CNTN4: variants seen among roughly 807,000 people sequenced by gnomAD.
CNTN4 encodes contactin-4.
In CNTN4, 77 loss-of-function variants were observed where a neutral mutation model predicts 122.5. The ratio of observed to expected loss-of-function variants is 0.63; its 90% CI spans 0.52 to 0.76. The LOEUF (loss-of-function observed/expected upper bound fraction) is 0.76. Ranked by LOEUF, CNTN4 falls within the 30% of genes least tolerant of loss-of-function variation. CNTN4 has a pLI of 0.00. For missense variants in CNTN4, 1,256 were observed against 1,259.1 expected, an observed-to-expected ratio of 1.00 and a Z score of 0.04; for synonymous variants, 512 against 447.0, an observed-to-expected ratio of 1.15 and a Z score of -1.83.
chr3:2,105,746 T>C (rs1031307443), intron 2 of CNTN4, among the ~76,000 whole-genome samples: 1 of 152,036 alleles, frequency 6.6e-6, no homozygotes, highest in Admixed American at 6.5e-5. Flanking sequence ...CTCCCAAATA[T>C]CATGTCTTTT....
chr3:2,911,597 G>A (rs1233075751), intron 12 of CNTN4, among the ~76,000 whole-genome samples: 1 of 152,082 alleles, frequency 6.6e-6, no homozygotes, highest in Non-Finnish European at 1.5e-5. Context: ...TAAAGAAACA[G>A]AGGTATATCA....
chr3:2,283,943 G>A lies in CNTN4; in HGVS notation c.-144-55235G>A, dbSNP rs187206108. Among the ~76,000 whole-genome samples, 321 of 152,146 alleles carry A rather than the reference G, an allele frequency of 2.1e-3. 1 individual carries two copies. The highest frequency in any genetic ancestry group is 7.5e-3 in the African/African-American group (311 of 41,532). Reference sequence around the variant, plus strand: ...TCATATGCTCATCTGATGCTTGTGTGCTCTCTGCCCCTTTGCCTGGCCTGA... The same window carrying A: ...TCATATGCTCATCTGATGCTTGTGTACTCTCTGCCCCTTTGCCTGGCCTGA... On this transcript the variant is annotated intron_variant, in intron 2 of 24. Coordinates refer to ENST00000418658, the MANE Select transcript of CNTN4 (RefSeq NM_175607.3).
intron 6 of CNTN4, among the ~76,000 whole-genome samples, chr3:2,809,712 G>C (rs1400854779): frequency 1.3e-5 from 2 of 152,146 alleles, no homozygotes; most frequent in African/African-American, 4.8e-5. Flanking sequence ...TTGCATGTTA[G>C]GGCACCCGTC....
At chr3:2,923,328 T>C (rs2094445588) in intron 12 of CNTN4, among the ~76,000 whole-genome samples, 1 of 152,016 alleles carries the variant, frequency 6.6e-6, no homozygotes, top group South Asian at 2.1e-4. Flanking sequence ...TTTTTTTTTT[T>C]ACATTTTTCT....
At chr3:2,350,804 C>G (rs2044582388) in intron 3 of CNTN4, among the ~76,000 whole-genome samples, 1 of 152,008 alleles carries the variant, frequency 6.6e-6, no homozygotes, top group Non-Finnish European at 1.5e-5. Context: ...GCAAATGTAA[C>G]AAAGGAAAAT....
At chr3:2,525,139 A>C (rs1176843079) in intron 3 of CNTN4, among the ~76,000 whole-genome samples, 1 of 152,108 alleles carries the variant, frequency 6.6e-6, no homozygotes, top group African/African-American at 2.4e-5. Context: ...CATTTAATGC[A>C]CTGGAGATAG....
chr3:2,846,106 A>G (rs2093451383), intron 7 of CNTN4, among the ~76,000 whole-genome samples: 1 of 152,212 alleles, frequency 6.6e-6, no homozygotes, highest in Admixed American at 6.5e-5. Flanking sequence ...TACAATGCTA[A>G]TAAGATTTGG....
At chr3:2,889,644 T>G (rs1289276603) in intron 10 of CNTN4, among the ~76,000 whole-genome samples, 1 of 152,238 alleles carries the variant, frequency 6.6e-6, no homozygotes, top group Non-Finnish European at 1.5e-5. Flanking sequence ...ACATTTTCTC[T>G]TTTTTCTTGG....
chr3:2,169,918 G>A (rs2036394194), intron 2 of CNTN4, among the ~76,000 whole-genome samples: 1 of 152,130 alleles, frequency 6.6e-6, no homozygotes, highest in African/African-American at 2.4e-5. Context: ...TTGTATATGG[G>A]TTCTTCAATA....
intron 7 of CNTN4, among the ~76,000 whole-genome samples, chr3:2,824,110 C>G (rs952947174): frequency 2.7e-5 from 4 of 149,508 alleles, no homozygotes; most frequent in African/African-American, 9.9e-5. Flanking sequence ...AACCTGTTCA[C>G]AAGCATATTC....
At position 2,789,766 on chromosome 3, in the gene CNTN4, A is replaced by C. The variant is rs568308815; in HGVS notation, c.359-29720A>C. On this transcript the variant is annotated intron_variant, in intron 6 of 24. Coordinates refer to ENST00000418658, the MANE Select transcript of CNTN4 (RefSeq NM_175607.3). The stretch of plus-strand genomic sequence containing the variant: ...TTTGGTAGAAAATAGAGGATAACCC[A>C]AAGAACAATGTAGAGAGGTTTTTAA... Among the ~76,000 whole-genome samples the C allele has an allele frequency of 3.9e-5, 6 of 152,336 alleles. No homozygotes were observed. In the South Asian group the frequency reaches 1.2e-3, roughly 32 times the overall value.
intron 2 of CNTN4, among the ~76,000 whole-genome samples, chr3:2,323,793 G>T (rs944489334): frequency 1.3e-5 from 2 of 152,154 alleles, no homozygotes; most frequent in African/African-American, 2.4e-5. Context: ...TTACTTTCAA[G>T]TATAAACAAT....
At chr3:2,731,386 A>T (rs1299922509) in intron 4 of CNTN4, among the ~76,000 whole-genome samples, 2 of 152,170 alleles carry the variant, frequency 1.3e-5, no homozygotes, top group African/African-American at 4.8e-5. Context: ...GTAGTCTGAT[A>T]GAAGTTAGCC....
At chr3:2,969,123 A>G in intron 13 of CNTN4, among the ~76,000 whole-genome samples, 1 of 152,196 alleles carries the variant, frequency 6.6e-6, no homozygotes, top group Non-Finnish European at 1.5e-5. Flanking sequence ...TGACTCACGT[A>G]TCTGAAAATT....
chr3:2,426,668 T>C (rs1050367103), intron 3 of CNTN4, among the ~76,000 whole-genome samples: 2 of 152,232 alleles, frequency 1.3e-5, no homozygotes, highest in Non-Finnish European at 2.9e-5. Flanking sequence ...TTTGTACCTC[T>C]GGTAGAATTC....
chr3:2,831,221 G>A (rs924038384), intron 7 of CNTN4, among the ~76,000 whole-genome samples: 15 of 152,152 alleles, frequency 9.9e-5, no homozygotes, highest in African/African-American at 3.6e-4. Flanking sequence ...TTGATTCTAT[G>A]TAATATCAAA....
chr3:2,511,455 G>C (rs554370003), intron 3 of CNTN4: 5 of 152,388 alleles, frequency 3.3e-5, no homozygotes, highest in Non-Finnish European at 7.3e-5. Context: ...CAGCCAGGAA[G>C]CTGGGTCCTC....
intron 10 of CNTN4, among the ~76,000 whole-genome samples, chr3:2,891,559 C>G (rs1309046600): frequency 6.6e-6 from 1 of 152,070 alleles, no homozygotes; most frequent in Non-Finnish European, 1.5e-5. Flanking sequence ...GCCCTCTGAC[C>G]CAAAACCTAA....
intron 12 of CNTN4, among the ~76,000 whole-genome samples, chr3:2,910,239 C>G (rs7630376): frequency 0.056 from 8,470 of 152,254 alleles, 796 homozygotes; most frequent in African/African-American, 0.19. Flanking sequence ...ATGATCATCC[C>G]TTACATCAAT....
Sources: allele counts gnomAD v4.1 joint callset (sites outside exome capture counted in the v4.1 genomes callset), GRCh38; gene constraint gnomAD v4.1.1; transcripts MANE v1.5; gene names NCBI Gene and HGNC (gene_info 2026-07-23, HGNC 2026-07-21).